RECK: variants seen among roughly 807,000 people sequenced by gnomAD.
RECK encodes reversion-inducing cysteine-rich protein with Kazal motifs.
A neutral mutation model predicts 115.1 loss-of-function variants in RECK; 69 were observed. The ratio of observed to expected loss-of-function variants is 0.60; its 90% CI spans 0.49 to 0.73. The LOEUF (loss-of-function observed/expected upper bound fraction) is 0.73, where lower values mean the gene tolerates loss of function less well. Among genes scored for constraint, RECK ranks in the 30% least tolerant of loss-of-function variants. RECK has a pLI of 0.00. For missense variants in RECK, 1,047 were observed against 1,203.7 expected, an observed-to-expected ratio of 0.87 and a Z score of 1.93; for synonymous variants, 414 against 419.7, an observed-to-expected ratio of 0.99 and a Z score of 0.17.
At chr9:36,084,742 G>A (rs1015433833) in intron 8 of RECK, among the ~76,000 whole-genome samples, 5 of 143,854 alleles carry the variant, frequency 3.5e-5, no homozygotes, top group African/African-American at 1.2e-4. Flanking sequence ...GGGAGGGAGG[G>A]AGGAAGGAAG....
intron 6 of RECK, 41 bp from the exon 7 acceptor site, chr9:36,080,564 G>C (rs980596814): frequency 2.7e-6 from 4 of 1,501,500 alleles, no homozygotes; most frequent in Middle Eastern, 3.5e-4. Flanking sequence ...AATTCTCTCT[G>C]GTTGTTAATT....
chr9:36,099,263 A>G (rs934578688), intron 10 of RECK, among the ~76,000 whole-genome samples: 6 of 140,878 alleles, frequency 4.3e-5, no homozygotes, highest in Non-Finnish European at 4.6e-5. Flanking sequence ...AACAACAACA[A>G]CAACAACAGT....
chr9:36,099,471 G>T (rs74570380), intron 10 of RECK, among the ~76,000 whole-genome samples: 3,793 of 151,974 alleles, frequency 0.025, 173 homozygotes, highest in African/African-American at 0.087. Flanking sequence ...ACATGTAGTG[G>T]GTTTATTATA....
At chr9:36,057,138 C>T (rs1821560290) in intron 2 of RECK, 2 of 228,688 alleles carry the variant, frequency 8.7e-6, no homozygotes, top group Non-Finnish European at 1.4e-5. Flanking sequence ...TTTGTCAGCT[C>T]ATCAGCATCA....
At chr9:36,073,251 C>G (rs981008261) in intron 6 of RECK, among the ~76,000 whole-genome samples, 21 of 146,910 alleles carry the variant, frequency 1.4e-4, no homozygotes, top group Non-Finnish European at 2.8e-4. Context: ...GACACACACA[C>G]ACACACACAC....
intron 10 of RECK, among the ~76,000 whole-genome samples, chr9:36,095,065 C>T (rs7025449): frequency 0.025 from 3,823 of 152,098 alleles, 172 homozygotes; most frequent in African/African-American, 0.086. Flanking sequence ...ATTAAACAAA[C>T]GCTTCTAAAT....
At chr9:36,069,696 A>G (rs991169563) in intron 6 of RECK, among the ~76,000 whole-genome samples, 1 of 152,174 alleles carries the variant, frequency 6.6e-6, no homozygotes, top group African/African-American at 2.4e-5. Flanking sequence ...CACAGGAAGG[A>G]TAGAGTGAGA....
At chr9:36,121,425 G>C in intron 19 of RECK, 108 bp from the exon 20 acceptor site, 1 of 1,034,140 alleles carries the variant, frequency 9.7e-7, no homozygotes, top group Non-Finnish European at 1.4e-6. Context: ...TTCCGCTGAG[G>C]GCTGTGCGGT....
chr9:36,104,602 C>T (rs868517000), intron 12 of RECK, among the ~76,000 whole-genome samples: 1 of 151,344 alleles, frequency 6.6e-6, no homozygotes, highest in South Asian at 2.1e-4. Context: ...ATCTGCCTCC[C>T]GGGTTCAAGC....
At chr9:36,066,824 C>T in intron 6 of RECK, 1 of 1,289,340 alleles carries the variant, frequency 7.8e-7, no homozygotes, top group South Asian at 1.2e-5. Context: ...TCTGCATTGC[C>T]CTAGGAAGTC....
intron 12 of RECK, among the ~76,000 whole-genome samples, chr9:36,104,214 C>T (rs1161493107): frequency 7.2e-6 from 1 of 139,682 alleles, no homozygotes; most frequent in Non-Finnish European, 1.5e-5. Flanking sequence ...CCTGACACTA[C>T]TTATTACTTA....
chr9:36,107,066 A>G lies in RECK; in HGVS notation c.1577-910A>G, dbSNP rs1823847195. On this transcript the variant is annotated intron_variant, in intron 13 of 20. Transcript: ENST00000377966. The stretch of plus-strand genomic sequence containing the variant: ...GCTTGCAGTGAGCCGAGATCGTGCC[A>G]CTGCACTCCAGCCTGGGCGACAGAG... Among the ~76,000 whole-genome samples the G allele has an allele frequency of 2.1e-5, 3 of 143,896 alleles. No homozygotes were observed. The South Asian group carries it at 6.6e-4, about 32-fold the overall frequency. The allele number at this position is 143,896 out of a possible 152,430, so 94.4% of individuals were successfully genotyped here.
intron 2 of RECK, among the ~76,000 whole-genome samples, chr9:36,053,567 A>G (rs189860610): frequency 6.6e-6 from 1 of 152,212 alleles, no homozygotes; most frequent in African/African-American, 2.4e-5. Context: ...ATTTACTGCC[A>G]GAAGAATAGC....
At chr9:36,106,873 G>C (rs1444347643) in intron 13 of RECK, among the ~76,000 whole-genome samples, 1 of 151,846 alleles carries the variant, frequency 6.6e-6, no homozygotes, top group Non-Finnish European at 1.5e-5. Flanking sequence ...GGGAGGCTGA[G>C]ACAGGCAGAT....
intron 1 of RECK, among the ~76,000 whole-genome samples, chr9:36,045,871 G>GGATAA (rs1821055669): frequency 2.0e-5 from 3 of 151,992 alleles, no homozygotes; most frequent in African/African-American, 7.3e-5. Flanking sequence ...GAAACTCGAT[G>GGATAA]TTTCTAATTA....
chr9:36,078,468 G>A (rs528408948), intron 6 of RECK, among the ~76,000 whole-genome samples: 15 of 152,252 alleles, frequency 9.9e-5, no homozygotes, highest in South Asian at 2.1e-4. Context: ...AATCTTTTGC[G>A]GGAGGGAGAC....
intron 9 of RECK, among the ~76,000 whole-genome samples, chr9:36,090,062 A>C (rs965226574): frequency 6.6e-6 from 1 of 152,036 alleles, no homozygotes; most frequent in African/African-American, 2.4e-5. Context: ...AGGCTGAGGC[A>C]CTAGAATCAC....
chr9:36,123,269 G>A lies in RECK; in HGVS notation c.*224G>A. The A allele has an allele frequency of 2.1e-6, 1 of 487,768 alleles. No homozygotes were observed. The allele number at this position is 487,768 out of a possible 1,614,324, so 30.2% of individuals were successfully genotyped here. On this transcript the variant is annotated 3_prime_UTR_variant, in exon 21 of 21. Coordinates refer to ENST00000377966, the MANE Select transcript of RECK (RefSeq NM_021111.3). ...TTCCAAATACTAATGAAAACAGAAT[G>A]TCTCTTCCTGGTAGACCACTGCCAT... is the stretch of plus-strand genomic sequence containing the variant.
chr9:36,051,648 A>G (rs1285074184), intron 1 of RECK, among the ~76,000 whole-genome samples: 2 of 151,960 alleles, frequency 1.3e-5, no homozygotes, highest in Non-Finnish European at 1.5e-5. Flanking sequence ...CTTTCTTTCC[A>G]TATCTCAGAT....
Sources: gnomAD v4.1 joint callset for allele counts (sites outside exome capture counted in the v4.1 genomes callset) on GRCh38, gnomAD v4.1.1 for gene constraint, MANE v1.5 for transcripts, NCBI Gene and HGNC (gene_info 2026-07-23, HGNC 2026-07-21) for gene names.